BMPR1A: variants seen among roughly 807,000 people sequenced by gnomAD.
BMPR1A encodes the protein bone morphogenetic protein receptor type-1A.
A neutral mutation model predicts 66.0 loss-of-function variants in BMPR1A; 7 were observed. The ratio of observed to expected loss-of-function variants is 0.11; its 90% CI spans 0.06 to 0.20. The LOEUF is 0.20. Among genes scored for constraint, BMPR1A ranks in the 10% least tolerant of loss-of-function variants. The pLI is 1.00. For missense variants in BMPR1A, 408 were observed against 669.1 expected, an observed-to-expected ratio of 0.61 and a Z score of 4.31; for synonymous variants, 200 against 229.7, an observed-to-expected ratio of 0.87 and a Z score of 1.17.
intron 7 of BMPR1A, among the ~76,000 whole-genome samples, chr10:86,906,013 A>G (rs1024407063): frequency 1.3e-5 from 2 of 152,098 alleles, no homozygotes; most frequent in Non-Finnish European, 2.9e-5. Flanking sequence ...ATTTGATACC[A>G]TATTCCTTCT....
intron 9 of BMPR1A, among the ~76,000 whole-genome samples, chr10:86,917,977 C>G (rs1843603056): frequency 6.6e-6 from 1 of 152,132 alleles, no homozygotes; most frequent in African/African-American, 2.4e-5. Context: ...AGTTTAAAAC[C>G]AAGGTGTTGG....
At chr10:86,822,075 ACCT>A (rs1355785061) in intron 1 of BMPR1A, among the ~76,000 whole-genome samples, 1 of 151,832 alleles carries the variant, frequency 6.6e-6, no homozygotes, top group Non-Finnish European at 1.5e-5. Context: ...CGATCCACCC[ACCT>A]CGGCCTCCCA....
At chr10:86,814,807 A>T (rs777440125) in intron 1 of BMPR1A, among the ~76,000 whole-genome samples, 1 of 151,244 alleles carries the variant, frequency 6.6e-6, no homozygotes, top group African/African-American at 2.4e-5. Flanking sequence ...TTTTTTTGAG[A>T]CGGAGTCTTA....
intron 2 of BMPR1A, among the ~76,000 whole-genome samples, chr10:86,874,477 C>T (rs1362658224): frequency 6.6e-6 from 1 of 151,540 alleles, no homozygotes; most frequent in Non-Finnish European, 1.5e-5. Flanking sequence ...GCAGTCTCAG[C>T]TTACTGCAAG....
At chr10:86,813,923 G>A (rs535304820) in intron 1 of BMPR1A, among the ~76,000 whole-genome samples, 65 of 152,104 alleles carry the variant, frequency 4.3e-4, no homozygotes, top group Non-Finnish European at 7.3e-4. Context: ...GTTTATACTC[G>A]AAAGTTCTAC....
chr10:86,801,573 A>G (rs371856099), intron 1 of BMPR1A, among the ~76,000 whole-genome samples: 1 of 152,228 alleles, frequency 6.6e-6, no homozygotes, highest in East Asian at 1.9e-4. Flanking sequence ...TCAGTAAACA[A>G]TCTCTGGTAG....
chr10:86,923,803 T>C lies in BMPR1A; in HGVS notation c.*84T>C. The C allele has an allele frequency of 6.4e-7, 1 of 1,551,190 alleles. No homozygotes were observed. The highest frequency in any genetic ancestry group is 8.9e-7 in the Non-Finnish European group (1 of 1,126,092). The stretch of plus-strand genomic sequence containing the variant: ...GGGTGGAATTAGAGTGGAATAAGGA[T>C]GTTAACTTGGTTCTCAGACTCTTTC... On this transcript the variant is annotated 3_prime_UTR_variant, in exon 13 of 13. Coordinates refer to ENST00000372037, the MANE Select transcript of BMPR1A (RefSeq NM_004329.3).
rs5786747 is a variant in BMPR1A at position 86,804,792 on chromosome 10, G to GTTTT, written c.-267-34054_-267-34051dup. Among the ~76,000 whole-genome samples, 78 of 57,230 alleles carry GTTTT rather than the reference G, an allele frequency of 1.4e-3. 1 individual carries two copies. Among genetic ancestry groups the GTTTT allele is most frequent in the African/African-American group, 5.7e-3 (69 of 12,148 alleles). The allele number at this position is 57,230 out of a possible 152,430, so 37.5% of individuals were successfully genotyped here. A position where few individuals can be genotyped will look rare whatever the true frequency, so the allele number is the denominator to read the frequency against. ...TTATTTTAGCTTAATGTTTGTAGGT[G>GTTTT]TTTTTTTTTTTTTTTTTTTTTTGCT... On this transcript the variant is annotated intron_variant, in intron 1 of 12. Coordinates refer to ENST00000372037, the MANE Select transcript of BMPR1A (RefSeq NM_004329.3).
rs1409487981 is a variant in BMPR1A, at chr10:86,903,735, C to G, written c.530+3609C>G. Among the ~76,000 whole-genome samples, 4 of 151,738 alleles carry G rather than the reference C, an allele frequency of 2.6e-5. No individual in the cohort carries two copies. In the East Asian group the frequency reaches 7.7e-4, roughly 29 times the overall value. ...TACGCCATTCTCTTGCTTCAGCCTT[C>G]CGAGTAGCTGGGACTACAGGCACCT... On this transcript the variant is annotated intron_variant, in intron 7 of 12. Transcript: ENST00000372037.
At chr10:86,854,790 T>C (rs1319113732) in intron 2 of BMPR1A, 4 of 246,756 alleles carry the variant, frequency 1.6e-5, no homozygotes, top group Admixed American at 8.0e-5. Context: ...AGTTTCTTTT[T>C]CCAAGTTCTC....
chr10:86,867,147 A>G (rs1401764758), intron 2 of BMPR1A, among the ~76,000 whole-genome samples: 1 of 152,220 alleles, frequency 6.6e-6, no homozygotes, highest in Non-Finnish European at 1.5e-5. Context: ...ATTTACCAGT[A>G]AAGGTTGAGC....
At chr10:86,829,003 G>A (rs1304838941) in intron 1 of BMPR1A, among the ~76,000 whole-genome samples, 2 of 152,168 alleles carry the variant, frequency 1.3e-5, no homozygotes, top group East Asian at 1.9e-4. Context: ...AGTCTGTTGC[G>A]GGTGCCACAG....
chr10:86,819,060 C>G (rs2132990296), intron 1 of BMPR1A, among the ~76,000 whole-genome samples: 1 of 152,238 alleles, frequency 6.6e-6, no homozygotes, highest in South Asian at 2.1e-4. Context: ...GCAAGTGAAG[C>G]CAGCCACGTA....
intron 1 of BMPR1A, among the ~76,000 whole-genome samples, chr10:86,816,122 A>T (rs951125198): frequency 5.3e-5 from 8 of 152,256 alleles, no homozygotes; most frequent in Non-Finnish European, 1.2e-4. Context: ...CATCACTTAG[A>T]CCTGTGCTGT....
At chr10:86,895,491 T>C (rs1843212870) in intron 5 of BMPR1A, among the ~76,000 whole-genome samples, 3 of 151,246 alleles carry the variant, frequency 2.0e-5, no homozygotes, top group South Asian at 4.2e-4. Flanking sequence ...TGAGCCAAAA[T>C]CATGCCATTG....
intron 1 of BMPR1A, among the ~76,000 whole-genome samples, chr10:86,804,522 T>C (rs2132886222): frequency 6.6e-6 from 1 of 152,284 alleles, no homozygotes; most frequent in South Asian, 2.1e-4. Context: ...CATGAGCCAC[T>C]GAGCCCAGCC....
In BMPR1A at chr10:86,789,715, G is replaced by GA. The variant is rs71477603; in HGVS notation, c.-268+32806dup. Among the ~76,000 whole-genome samples, 1,201 of 132,486 alleles carry GA rather than the reference G, an allele frequency of 9.1e-3. 3 individuals are homozygous for GA. Among genetic ancestry groups the GA allele is most frequent in the Admixed American group, 0.013 (173 of 13,184 alleles). 86.9% of individuals were successfully genotyped at this position (132,486 alleles called of 152,430 possible). A position where few individuals can be genotyped will look rare whatever the true frequency, so the allele number is the denominator to read the frequency against. ...GTGACAGAGTGAAAACTCTGTCTTA[G>GA]AAAAAAAAAACAAACAAACACGTAA... On this transcript the variant is annotated intron_variant, in intron 1 of 12. Coordinates refer to ENST00000372037, the MANE Select transcript of BMPR1A (RefSeq NM_004329.3).
At chr10:86,770,379 T>C (rs1441947882) in intron 1 of BMPR1A, among the ~76,000 whole-genome samples, 1 of 140,700 alleles carries the variant, frequency 7.1e-6, no homozygotes, top group East Asian at 1.9e-4. Flanking sequence ...ATCACTGCAC[T>C]TCAGTCTGCG....
At chr10:86,906,966 G>A (rs1843403845) in intron 7 of BMPR1A, among the ~76,000 whole-genome samples, 1 of 151,322 alleles carries the variant, frequency 6.6e-6, no homozygotes, top group Non-Finnish European at 1.5e-5. Flanking sequence ...CATCTGAGCT[G>A]TGTATTGTTG....
Sources: gnomAD v4.1 joint callset for allele counts (sites outside exome capture counted in the v4.1 genomes callset) on GRCh38, gnomAD v4.1.1 for gene constraint, MANE v1.5 for transcripts, NCBI Gene and HGNC (gene_info 2026-07-23, HGNC 2026-07-21) for gene names.